The following BCL7C variants were observed in gnomAD, a reference collection of about 807,000 sequenced individuals.
BCL7C encodes BAF chromatin remodeling complex subunit BCL7C.
Under a neutral mutation model 26.2 loss-of-function variants are expected in BCL7C, and 8 were observed. That is an observed-to-expected ratio of 0.30 (90% CI 0.18 to 0.55). The LOEUF (loss-of-function observed/expected upper bound fraction) is 0.55, where lower values mean the gene tolerates loss of function less well. Ranked by LOEUF, BCL7C falls within the 20% of genes least tolerant of loss-of-function variation. The pLI, the probability that BCL7C is intolerant of heterozygous loss-of-function variation, is 0.93. For synonymous variants in BCL7C, 90 were observed against 116.5 expected (o/e 0.77, Z 1.47); for missense variants, 262 against 298.5 (o/e 0.88, Z 0.90).
At chr16:30,842,421 C>T (rs1011478723) in intron 5 of BCL7C, among the ~76,000 whole-genome samples, 5 of 152,190 alleles carry the variant, frequency 3.3e-5, no homozygotes, top group Admixed American at 2.0e-4. Context: ...ACTTGCCTTA[C>T]GCCACTTGCC....
rs746817696 is a variant in BCL7C, at chr16:30,888,926, A to G, written c.462T>C (p.Ala154=). 1 of 1,614,026 alleles carries G rather than the reference A, an allele frequency of 6.2e-7. No homozygotes were observed. Among genetic ancestry groups the G allele is most frequent in the Non-Finnish European group, 8.5e-7 (1 of 1,179,938 alleles). The change falls in exon 5 of 6, where the codon GCT becomes GCC. Residue 154 remains alanine (A), a synonymous_variant. Transcript: ENST00000215115. The stretch of plus-strand genomic sequence containing the variant: ...GCATTGGGGGTTCGTCGGTGCTGCC[A>G]GCAGTTATGCCCCCGGGATCTGGAA... ...GQERDPGGIT[A]GSTDEPPMLT... is the part of the protein sequence containing the mutation.
chr16:30,878,044 A>G (rs539465469), intron 5 of BCL7C, among the ~76,000 whole-genome samples: 1 of 151,894 alleles, frequency 6.6e-6, no homozygotes, highest in South Asian at 2.1e-4. Flanking sequence ...GTGTGGTGGC[A>G]GGCACCTGTA....
At chr16:30,865,114 G>A (rs1824827986) in intron 5 of BCL7C, among the ~76,000 whole-genome samples, 1 of 145,012 alleles carries the variant, frequency 6.9e-6, no homozygotes, top group South Asian at 2.2e-4. Flanking sequence ...CTTGCAGTGA[G>A]CCGAGATCAC....
At chr16:30,889,131 G>A (rs532329634) in intron 4 of BCL7C, among the ~76,000 whole-genome samples, 186 bp from the exon 5 acceptor site, 1 of 152,296 alleles carries the variant, frequency 6.6e-6, no homozygotes, top group African/African-American at 2.4e-5. Context: ...GTGGGAGCTC[G>A]AGGGTGATGC....
chr16:30,870,992 T>C (rs1460738127), intron 5 of BCL7C, among the ~76,000 whole-genome samples: 1 of 152,130 alleles, frequency 6.6e-6, no homozygotes, highest in African/African-American at 2.4e-5. Flanking sequence ...ACCAGATAAA[T>C]TGTAAATGTA....
At chr16:30,864,457 T>C (rs1459319202) in intron 5 of BCL7C, among the ~76,000 whole-genome samples, 2 of 152,168 alleles carry the variant, frequency 1.3e-5, no homozygotes, top group African/African-American at 2.4e-5. Context: ...ATGCTCCTTC[T>C]AACAACCCCA....
chr16:30,851,691 TG>T, intron 5 of BCL7C: 2 of 736,652 alleles, frequency 2.7e-6, no homozygotes, highest in Non-Finnish European at 4.5e-6. Flanking sequence ...ATGGTTTCAC[TG>T]GGATTCAGAA....
chr16:30,892,778 T>C (rs759542458), intron 3 of BCL7C, 31 bp from the exon 4 acceptor site: 2 of 1,614,124 alleles, frequency 1.2e-6, no homozygotes, highest in South Asian at 1.1e-5. Flanking sequence ...ATGGTTGGCC[T>C]GAGATCCCTA....
chr16:30,865,406 CAAA>C (rs952646482), intron 5 of BCL7C, among the ~76,000 whole-genome samples: 1 of 149,148 alleles, frequency 6.7e-6, no homozygotes, highest in African/African-American at 2.5e-5. Context: ...CAGTCTCTAC[CAAA>C]AAAAAAATTT....
chr16:30,843,797 T>G (rs1435250417), intron 5 of BCL7C, among the ~76,000 whole-genome samples: 2 of 151,926 alleles, frequency 1.3e-5, no homozygotes, highest in African/African-American at 4.8e-5. Context: ...TCCAGGATTT[T>G]GGGAGGCTGA....
At chr16:30,882,024 G>A (rs1362379700) in intron 5 of BCL7C, among the ~76,000 whole-genome samples, 2 of 151,208 alleles carry the variant, frequency 1.3e-5, no homozygotes, top group Non-Finnish European at 2.9e-5. Context: ...GCAGTGGTGC[G>A]ATCTCGGCTC....
chr16:30,889,142 G>A (rs1174726919), intron 4 of BCL7C, among the ~76,000 whole-genome samples, 197 bp from the exon 5 acceptor site: 1 of 152,140 alleles, frequency 6.6e-6, no homozygotes, highest in Admixed American at 6.6e-5. Context: ...AGGGTGATGC[G>A]GTGGACAGGA....
chr16:30,883,426 CT>C (rs2055072264), downstream of BCL7C, among the ~76,000 whole-genome samples: 1 of 151,376 alleles, frequency 6.6e-6, no homozygotes, highest in Non-Finnish European at 1.5e-5. Flanking sequence ...TCATATCTTA[CT>C]GCCGCCTCAA....
At chr16:30,838,382 A>G (rs1339047523) in intron 5 of BCL7C, among the ~76,000 whole-genome samples, 1 of 152,248 alleles carries the variant, frequency 6.6e-6, no homozygotes, top group Non-Finnish European at 1.5e-5. Context: ...GTAGATAGAT[A>G]GATAGAGGCA....
At chr16:30,881,105 T>C (rs1032509244) in intron 5 of BCL7C, among the ~76,000 whole-genome samples, 2 of 152,018 alleles carry the variant, frequency 1.3e-5, no homozygotes, top group African/African-American at 2.4e-5. Flanking sequence ...TAGTTAACAA[T>C]GTGCCTGCAG....
At chr16:30,858,245 T>G (rs564875943) in intron 5 of BCL7C, among the ~76,000 whole-genome samples, 1 of 152,156 alleles carries the variant, frequency 6.6e-6, no homozygotes, top group Non-Finnish European at 1.5e-5. Flanking sequence ...CAGCCTCTCA[T>G]TCCTTTCCAG....
chr16:30,892,472 C>A, intron 4 of BCL7C, 114 bp downstream of exon 4: 2 of 1,044,620 alleles, frequency 1.9e-6, no homozygotes, highest in Admixed American at 2.8e-5. Context: ...AGTCGGAAGG[C>A]GCCTTGAGGA....
intron 5 of BCL7C, among the ~76,000 whole-genome samples, chr16:30,877,442 AT>A (rs66607719): frequency 0.68 from 95,187 of 140,670 alleles, 32,417 homozygotes; most frequent in East Asian, 0.91. Context: ...CTGAGTCCAG[AT>A]TTTTTTTTTT....
At chr16:30,865,112 G>A (rs1198962344) in intron 5 of BCL7C, among the ~76,000 whole-genome samples, 1 of 146,708 alleles carries the variant, frequency 6.8e-6, no homozygotes, top group Non-Finnish European at 1.5e-5. Context: ...AGCTTGCAGT[G>A]AGCCGAGATC....
Sources: gnomAD v4.1 joint callset for allele counts (sites outside exome capture counted in the v4.1 genomes callset) on GRCh38, gnomAD v4.1.1 for gene constraint, MANE v1.5 for transcripts, NCBI Gene and HGNC (gene_info 2026-07-23, HGNC 2026-07-21) for gene names.